Variants in MAMLD1 observed in about 807,000 individuals in gnomAD.
MAMLD1 encodes mastermind like domain containing 1, also known as mastermind-like domain-containing protein 1.
A neutral mutation model predicts 45.0 loss-of-function variants in MAMLD1; 14 were observed. That is an observed-to-expected ratio of 0.31 (90% CI 0.21 to 0.49). The LOEUF (loss-of-function observed/expected upper bound fraction) is 0.49. MAMLD1 is among the 20% of genes least tolerant of loss of function. MAMLD1 has a pLI of 0.99. For synonymous variants in MAMLD1, 254 were observed against 247.8 expected (o/e 1.02, Z -0.24); for missense variants, 543 against 603.6 (o/e 0.90, Z 1.05).
chrX:150,468,822 A>C (rs1422518444), intron 3 of MAMLD1, among the ~76,000 whole-genome samples: 3 of 111,220 alleles, frequency 2.7e-5, no homozygotes, highest in African/African-American at 9.8e-5. Context: ...TACTTTTTTA[A>C]ATTTTTGGAT....
chrX:150,441,653 A>T (rs1031614583), intron 1 of MAMLD1, among the ~76,000 whole-genome samples: 1 of 111,647 alleles, frequency 9.0e-6, no homozygotes, highest in Non-Finnish European at 1.9e-5. Context: ...AGAAAACATC[A>T]TTTATTATTT....
intron 5 of MAMLD1, among the ~76,000 whole-genome samples, chrX:150,489,593 G>A (rs1430405928): frequency 9.5e-6 from 1 of 105,488 alleles, no homozygotes; most frequent in Admixed American, 1.0e-4. Context: ...GGCAAAAACC[G>A]CAATTACTTT....
At chrX:150,427,415 C>A in intron 1 of MAMLD1, among the ~76,000 whole-genome samples, 1 of 112,230 alleles carries the variant, frequency 8.9e-6, no homozygotes, top group Middle Eastern at 4.6e-3. Context: ...CTTTTCTTTT[C>A]TTTGAGGGCC....
chrX:150,475,145 G>A (rs1173682213), intron 5 of MAMLD1, among the ~76,000 whole-genome samples: 1 of 111,167 alleles, frequency 9.0e-6, no homozygotes, highest in Non-Finnish European at 1.9e-5. Flanking sequence ...ATTTGCCGTG[G>A]ACGATAATGG....
chrX:150,413,668 G>A (rs782210797), intron 1 of MAMLD1, among the ~76,000 whole-genome samples: 15 of 109,564 alleles, frequency 1.4e-4, no homozygotes, highest in African/African-American at 5.0e-4. Flanking sequence ...AAGGGGGAAG[G>A]GGTGGGAGGA....
At chrX:150,362,450 C>G (rs1039931169), upstream of MAMLD1, among the ~76,000 whole-genome samples, 3 of 108,455 alleles carry the variant, frequency 2.8e-5, no homozygotes, top group Non-Finnish European at 3.8e-5. Context: ...CTCTCCTCTC[C>G]TCTCATCTCC....
chrX:150,379,712 T>C (rs2032506826), intron 1 of MAMLD1, among the ~76,000 whole-genome samples: 1 of 112,380 alleles, frequency 8.9e-6, no homozygotes, highest in African/African-American at 3.2e-5. Context: ...TTAGCTTTTC[T>C]GTGTTTCCTT....
rs1199197614 is a variant in MAMLD1, at chrX:150,473,574, G to A, written c.1918-106G>A. 15 of 764,473 alleles carry A rather than the reference G, an allele frequency of 2.0e-5. No individual in the cohort carries two copies. The South Asian group carries it at 2.1e-4, about 11-fold the overall frequency. 63.0% of individuals were successfully genotyped at this position (764,473 alleles called of 1,213,427 possible). On this transcript the variant is annotated intron_variant, in intron 4 of 7. Coordinates refer to ENST00000370401, the MANE Select transcript of MAMLD1 (RefSeq NM_005491.5). ...AAGCAGAGCTCCCATGGGGGTGGCC[G>A]GGGGAGCGGTGTGGAGATAGGCAAA...
intron 1 of MAMLD1, among the ~76,000 whole-genome samples, chrX:150,379,476 T>G (rs1421342924): frequency 8.9e-6 from 1 of 112,137 alleles, no homozygotes; most frequent in Non-Finnish European, 1.9e-5. Context: ...GTCATTTGAA[T>G]ATGGTTTAGT....
chrX:150,506,262 C>T (rs782802846), intron 6 of MAMLD1, among the ~76,000 whole-genome samples: 18 of 108,172 alleles, frequency 1.7e-4, no homozygotes, highest in Admixed American at 4.9e-4. Context: ...ATAATCTCCC[C>T]GCTCCCTCCC....
intron 1 of MAMLD1, among the ~76,000 whole-genome samples, chrX:150,376,942 G>C (rs947470283): frequency 1.8e-5 from 2 of 109,496 alleles, no homozygotes; most frequent in Non-Finnish European, 3.8e-5. Flanking sequence ...AGTTTGTCTT[G>C]TCTAAAAGAA....
At chrX:150,399,162 G>A (rs2033645870) in intron 1 of MAMLD1, among the ~76,000 whole-genome samples, 1 of 111,919 alleles carries the variant, frequency 8.9e-6, no homozygotes, top group Non-Finnish European at 1.9e-5. Flanking sequence ...GGCAGGGGAA[G>A]CCCCCTGGGA....
intron 1 of MAMLD1, among the ~76,000 whole-genome samples, chrX:150,423,486 G>C (rs1008119708): frequency 9.1e-6 from 1 of 109,431 alleles, no homozygotes; most frequent in Admixed American, 9.9e-5. Flanking sequence ...AACAACCGGA[G>C]TAGCAATTTG....
intron 1 of MAMLD1, among the ~76,000 whole-genome samples, chrX:150,419,130 G>A (rs1178749913): frequency 1.0e-5 from 1 of 96,657 alleles, no homozygotes; most frequent in Non-Finnish European, 2.1e-5. Context: ...TCCTGTATTG[G>A]GTGCATATAT....
chrX:150,511,243 G>A (rs781787119), intron 7 of MAMLD1, among the ~76,000 whole-genome samples: 5 of 110,694 alleles, frequency 4.5e-5, no homozygotes, highest in Non-Finnish European at 7.6e-5. Context: ...CAGCTAGAGT[G>A]GACTCTCATG....
chrX:150,462,978 GAGA>G, intron 3 of MAMLD1, 132 bp downstream of exon 3: 2 of 545,848 alleles, frequency 3.7e-6, no homozygotes, highest in Non-Finnish European at 6.4e-6. Context: ...AGGGAGAAGT[GAGA>G]AGGTTGGGCT....
intron 1 of MAMLD1, among the ~76,000 whole-genome samples, chrX:150,438,484 C>T (rs1053827480): frequency 1.8e-5 from 2 of 112,116 alleles, no homozygotes; most frequent in African/African-American, 6.5e-5. Context: ...AAAATAAAAC[C>T]TCATACTCAT....
intron 1 of MAMLD1, among the ~76,000 whole-genome samples, chrX:150,408,237 G>A (rs987915018): frequency 4.5e-5 from 5 of 110,786 alleles, no homozygotes; most frequent in African/African-American, 1.6e-4. Flanking sequence ...GAGGGTGACT[G>A]GGGCGCCGCT....
chrX:150,503,625 G>C, intron 6 of MAMLD1, 108 bp downstream of exon 6: 1 of 531,482 alleles, frequency 1.9e-6, no homozygotes, highest in Middle Eastern at 5.1e-4. Flanking sequence ...AACACAGGAG[G>C]TGACAGCTCC....
Sources: gnomAD v4.1 joint callset for allele counts (sites outside exome capture counted in the v4.1 genomes callset) on GRCh38, gnomAD v4.1.1 for gene constraint, MANE v1.5 for transcripts, NCBI Gene and HGNC (gene_info 2026-07-23, HGNC 2026-07-21) for gene names.